The following EFHC2 variants were observed in gnomAD, a reference collection of about 807,000 sequenced individuals.
EFHC2 encodes EF-hand domain-containing family member C2.
In EFHC2, 18 loss-of-function variants were observed where a neutral mutation model predicts 52.7. That is an observed-to-expected ratio of 0.34 (90% CI 0.24 to 0.51). The LOEUF is 0.51. Ranked by LOEUF, EFHC2 falls within the 20% of genes least tolerant of loss-of-function variation. The pLI is 0.97. For missense variants in EFHC2, 513 were observed against 562.5 expected (o/e 0.91, Z 0.89); for synonymous variants, 203 against 204.1 (o/e 0.99, Z 0.04).
intron 13 of EFHC2, among the ~76,000 whole-genome samples, chrX:44,172,971 G>C (rs1432129657): frequency 9.0e-6 from 1 of 111,390 alleles, no homozygotes; most frequent in East Asian, 2.8e-4. Flanking sequence ...GAGGTAACCA[G>C]GTACAAAAAG....
intron 1 of EFHC2, among the ~76,000 whole-genome samples, chrX:44,321,076 A>G (rs1382059903): frequency 8.9e-6 from 1 of 112,061 alleles, no homozygotes; most frequent in Non-Finnish European, 1.9e-5. Context: ...CCAGGTTAAT[A>G]GAAGTAGAGA....
At chrX:44,218,665 T>C (rs1369815211) in intron 11 of EFHC2, among the ~76,000 whole-genome samples, 1 of 111,962 alleles carries the variant, frequency 8.9e-6, no homozygotes, top group Non-Finnish European at 1.9e-5. Flanking sequence ...CTAGGCGACT[T>C]TGAGCCAGCC....
intron 4 of EFHC2, among the ~76,000 whole-genome samples, chrX:44,251,642 A>G (rs1414504390): frequency 1.1e-5 from 1 of 88,883 alleles, no homozygotes; most frequent in Non-Finnish European, 2.2e-5. Context: ...AAAAAAAAAA[A>G]AAAAGATTAA....
At chrX:44,323,746 T>G (rs1346296131) in intron 1 of EFHC2, among the ~76,000 whole-genome samples, 1 of 111,496 alleles carries the variant, frequency 9.0e-6, no homozygotes, top group Non-Finnish European at 1.9e-5. Flanking sequence ...AACCTTCCTT[T>G]CCTACTCACT....
chrX:44,232,400 GAAGAA>G (rs1414599601), intron 10 of EFHC2, 76 bp downstream of exon 10: 1 of 773,770 alleles, frequency 1.3e-6, no homozygotes, highest in Non-Finnish European at 1.7e-6. Flanking sequence ...GCAAGATGAA[GAAGAA>G]AAGGCCCTAG....
At chrX:44,157,186 C>T (rs963620696) in intron 14 of EFHC2, among the ~76,000 whole-genome samples, 2 of 112,128 alleles carry the variant, frequency 1.8e-5, no homozygotes, top group Admixed American at 1.9e-4. Flanking sequence ...TTGTTGACCC[C>T]TATTCTTACT....
chrX:44,214,883 G>A (rs759483310), intron 11 of EFHC2, among the ~76,000 whole-genome samples: 3 of 111,909 alleles, frequency 2.7e-5, no homozygotes, highest in Non-Finnish European at 5.6e-5. Flanking sequence ...TACTGGTGAA[G>A]CTAGTATAGT....
intron 2 of EFHC2, among the ~76,000 whole-genome samples, chrX:44,274,352 G>A (rs1224838077): frequency 8.9e-6 from 1 of 112,079 alleles, no homozygotes; most frequent in Non-Finnish European, 1.9e-5. Flanking sequence ...TGTATTGAGT[G>A]AATATTTCAG....
chrX:44,186,061 T>G (rs899941300), intron 11 of EFHC2, among the ~76,000 whole-genome samples: 1 of 111,479 alleles, frequency 9.0e-6, no homozygotes, highest in African/African-American at 3.3e-5. Context: ...AATACTATGG[T>G]TTTTCCTGTT....
At chrX:44,287,525 C>T (rs1316517953) in intron 2 of EFHC2, among the ~76,000 whole-genome samples, 2 of 112,030 alleles carry the variant, frequency 1.8e-5, no homozygotes, top group East Asian at 2.8e-4. Flanking sequence ...TTACTTATTC[C>T]ATGAGTGAGG....
intron 1 of EFHC2, among the ~76,000 whole-genome samples, chrX:44,333,045 G>A (rs2038097187): frequency 9.0e-6 from 1 of 111,494 alleles, no homozygotes; most frequent in East Asian, 2.8e-4. Context: ...TTCAACCATG[G>A]TTGCTGCAGG....
At chrX:44,256,538 T>C (rs1008806619) in intron 4 of EFHC2, among the ~76,000 whole-genome samples, 9 of 111,089 alleles carry the variant, frequency 8.1e-5, no homozygotes, top group African/African-American at 1.3e-4. Flanking sequence ...CTAGAAGAAA[T>C]AGATAAATTC....
chrX:44,162,516 A>G (rs998874350), intron 14 of EFHC2, among the ~76,000 whole-genome samples: 1 of 110,801 alleles, frequency 9.0e-6, no homozygotes, highest in African/African-American at 3.3e-5. Flanking sequence ...TGGTCTCCAG[A>G]CCTCGCAGGA....
chrX:44,277,801 C>T (rs916390463), intron 2 of EFHC2, among the ~76,000 whole-genome samples: 18 of 109,769 alleles, frequency 1.6e-4, no homozygotes, highest in South Asian at 7.5e-4. Flanking sequence ...TACCTATAAA[C>T]GAAAATTGTC....
At chrX:44,207,779 A>ATC (rs2037059927) in intron 11 of EFHC2, among the ~76,000 whole-genome samples, 1 of 110,042 alleles carries the variant, frequency 9.1e-6, no homozygotes. Flanking sequence ...AATATACAGA[A>ATC]TCTAAACTTA....
At chrX:44,157,394 A>G (rs1055608545) in intron 14 of EFHC2, among the ~76,000 whole-genome samples, 21 of 110,805 alleles carry the variant, frequency 1.9e-4, no homozygotes, top group African/African-American at 6.6e-4. Flanking sequence ...TTTGCCCCTC[A>G]AGATCCATTC....
chrX:44,203,681 G>T (rs2037024153), intron 11 of EFHC2, among the ~76,000 whole-genome samples: 1 of 110,878 alleles, frequency 9.0e-6, no homozygotes, highest in Non-Finnish European at 1.9e-5. Context: ...TGAACTCCTG[G>T]GTTGAAGCAA....
In EFHC2 at chrX:44,178,400, A is replaced by G. The variant is rs2036806502; in HGVS notation, c.1916T>C (p.Phe639Ser). 2.5e-6 allele frequency: 3 copies of G among 1,197,932 alleles called. No individual in the cohort carries two copies. Among genetic ancestry groups the G allele is most frequent in the African/African-American group, 3.5e-5 (2 of 57,117 alleles). ...ATCTTCATACACACAGGAATAAATGAAAGTGTCGAAATTCTCAAACATATT... is the reference window on the plus strand; with the variant it reads ...ATCTTCATACACACAGGAATAAATGGAAGTGTCGAAATTCTCAAACATATT... The part of the protein sequence containing the change: ...KKNMFENFDT[F>S]IYSCVYEDRE... The change falls in exon 12 of 15, where the codon TTC becomes TCC. Residue 639 changes from phenylalanine to serine, a missense_variant. Phe to Ser is a radical substitution (Grantham distance 155). Transcript: ENST00000420999.
At chrX:44,251,619 A>T (rs2037449229) in intron 4 of EFHC2, among the ~76,000 whole-genome samples, 1 of 54,014 alleles carries the variant, frequency 1.9e-5, no homozygotes, top group Non-Finnish European at 3.1e-5. Flanking sequence ...AAAAAAAAAA[A>T]AAAAAAAAAA....
Sources: gnomAD v4.1 joint callset for allele counts (sites outside exome capture counted in the v4.1 genomes callset) on GRCh38, gnomAD v4.1.1 for gene constraint, MANE v1.5 for transcripts, NCBI Gene and HGNC (gene_info 2026-07-23, HGNC 2026-07-21) for gene names.